OTOG: variants seen among roughly 807,000 people sequenced by gnomAD.
The protein encoded by OTOG is otogelin.
OTOG carries 296 observed loss-of-function variants against 313.8 expected under a neutral mutation model. The observed-to-expected ratio is 0.94, with a 90% CI of 0.86 to 1.04. The LOEUF is 1.04. Ranked by LOEUF, OTOG falls within the 50% of genes least tolerant of loss-of-function variation. The pLI, the probability that OTOG is intolerant of heterozygous loss-of-function variation, is 0.00. For missense variants in OTOG, 3,948 were observed against 3,840.1 expected (o/e 1.03, Z -0.74); for synonymous variants, 1,533 against 1,554.9 (o/e 0.99, Z 0.33).
intron 23 of OTOG, among the ~76,000 whole-genome samples, chr11:17,584,845 T>C (rs76732963): frequency 0.012 from 1,832 of 152,348 alleles, 42 homozygotes; most frequent in African/African-American, 0.042. Flanking sequence ...ATTTTATTTA[T>C]TGGAGTATCA....
chr11:17,586,915 A>G (rs1238077492), intron 24 of OTOG, among the ~76,000 whole-genome samples: 1 of 152,244 alleles, frequency 6.6e-6, no homozygotes, highest in Non-Finnish European at 1.5e-5. Flanking sequence ...GTGAACATGC[A>G]TGTACATGGA....
chr11:17,612,581 G>A (rs1223481855), intron 37 of OTOG, 39 bp from the exon 38 acceptor site: 1 of 1,535,078 alleles, frequency 6.5e-7, no homozygotes, highest in Non-Finnish European at 8.8e-7. Context: ...GGTCTTGGAG[G>A]CATCCACCTA....
In OTOG at chr11:17,593,970, G is replaced by T. The variant is rs1853023682; in HGVS notation, c.3289-77G>T. On this transcript the variant is annotated intron_variant, in intron 27 of 55. Transcript: ENST00000399397. ...CTTCTAGGTCTATGATAGACTCCTGGGCTCATGGTGACCCCTCTGCCCGTG... is the reference window on the plus strand; with the variant it reads ...CTTCTAGGTCTATGATAGACTCCTGTGCTCATGGTGACCCCTCTGCCCGTG... 3 of 1,530,588 alleles carry T rather than the reference G, an allele frequency of 2.0e-6. No homozygotes were observed. In the East Asian group the frequency reaches 7.4e-5, roughly 38 times the overall value. 94.8% of individuals were successfully genotyped at this position (1,530,588 alleles called of 1,614,324 possible).
chr11:17,603,093 G>A (rs1424865342), intron 32 of OTOG, among the ~76,000 whole-genome samples: 4 of 152,170 alleles, frequency 2.6e-5, no homozygotes, highest in African/African-American at 7.2e-5. Flanking sequence ...TGGAGGGGAA[G>A]GGACGTCCTG....
chr11:17,613,796 A>T, intron 39 of OTOG, 95 bp downstream of exon 39: 10 of 840,370 alleles, frequency 1.2e-5, no homozygotes, highest in Non-Finnish European at 1.7e-5. Context: ...CTGAATCATG[A>T]TTCAGGGCAG....
At chr11:17,571,865 T>C (rs1852411691) in intron 17 of OTOG, among the ~76,000 whole-genome samples, 1 of 152,138 alleles carries the variant, frequency 6.6e-6, no homozygotes. Flanking sequence ...ATGTCTGGCA[T>C]ATATTTGTGC....
intron 39 of OTOG, among the ~76,000 whole-genome samples, chr11:17,618,343 C>T (rs774707813): frequency 6.6e-6 from 1 of 152,112 alleles, no homozygotes; most frequent in Non-Finnish European, 1.5e-5. Flanking sequence ...TTTTATTTGA[C>T]CCATGAATTA....
intron 12 of OTOG, among the ~76,000 whole-genome samples, chr11:17,560,278 C>T (rs1045545065): frequency 2.0e-5 from 3 of 152,174 alleles, no homozygotes; most frequent in East Asian, 1.9e-4. Context: ...AGAGATATCA[C>T]GCTCATATGA....
At chr11:17,566,494 T>G (rs2134017618) in intron 15 of OTOG, among the ~76,000 whole-genome samples, 1 of 152,286 alleles carries the variant, frequency 6.6e-6, no homozygotes, top group Non-Finnish European at 1.5e-5. Context: ...GTATAAATAT[T>G]TCTCTATAAA....
At chr11:17,572,272 A>G (rs934713344) in intron 18 of OTOG, 68 bp downstream of exon 18, 30 of 1,529,140 alleles carry the variant, frequency 2.0e-5, no homozygotes, top group Middle Eastern at 3.5e-4. Flanking sequence ...GAGAGAGATG[A>G]AAAGGGAACT....
rs1048323052 is a variant in OTOG, at chr11:17,570,310, C to T, written c.1875C>T (p.Tyr625=). 1 of 1,550,742 alleles carries T rather than the reference C, an allele frequency of 6.4e-7. No homozygotes were observed. Among genetic ancestry groups the T allele is most frequent in the South Asian group, 1.2e-5 (1 of 84,058 alleles). Residue 625 remains tyrosine, a synonymous_variant, in exon 17 of 56, where the codon TAC becomes TAT. Coordinates refer to ENST00000399397, the MANE Select transcript of OTOG (RefSeq NM_001292063.2). ...ACGACCGTGAAGGGCTCCGACTGTA[C>T]CTGCAAGTGGACCAGCGATGGGTGG... ...VLYDREGLRL[Y]LQVDQRWVED... is the part of the protein sequence containing the mutation.
At chr11:17,638,870 G>T in intron 48 of OTOG, 1 of 1,119,714 alleles carries the variant, frequency 8.9e-7, no homozygotes, top group East Asian at 5.0e-5. Context: ...GGCCAAGGCG[G>T]GTGGATCATG....
Position 17,548,132 on chromosome 11 carries a change from C to T in OTOG, c.156-20C>T. The T allele has an allele frequency of 5.2e-6, 8 of 1,544,580 alleles. No homozygotes were observed. The highest frequency in any genetic ancestry group is 7.0e-6 in the Non-Finnish European group (8 of 1,143,468). On this transcript the variant is annotated intron_variant, in intron 2 of 55. Coordinates refer to ENST00000399397, the MANE Select transcript of OTOG (RefSeq NM_001292063.2). ...ACCCATCCTAGCCCCCCATCCATGCCAGACTCGTGTTTCCTCCAGCAGCAG... is the reference window on the plus strand; with the variant it reads ...ACCCATCCTAGCCCCCCATCCATGCTAGACTCGTGTTTCCTCCAGCAGCAG...
At chr11:17,582,254 A>G (rs1287521150) in intron 23 of OTOG, among the ~76,000 whole-genome samples, 1 of 152,142 alleles carries the variant, frequency 6.6e-6, no homozygotes, top group Non-Finnish European at 1.5e-5. Context: ...TTGTCACTAT[A>G]TAGTAGTTAT....
At position 17,574,824 on chromosome 11, in the gene OTOG, G is replaced by A. The variant is rs141010212; in HGVS notation, c.2398G>A (p.Asp800Asn). ...SPEACGVDGG[D>N]DLSRDECVEG... ...TGAGGCCTGTGGGGTTGATGGTGGC[G>A]ATGACCTGAGCAGAGACGAGTGTGT... The change falls in exon 20 of 56, where the codon GAT becomes AAT. Residue 800 changes from aspartate to asparagine, a missense_variant. Asp to Asn is a conservative substitution (Grantham distance 23). Transcript: ENST00000399397. 741 of 1,550,332 alleles carry A rather than the reference G, an allele frequency of 4.8e-4. 4 individuals are homozygous for A. The African/African-American group carries it at 9.2e-3, about 19-fold the overall frequency.
At chr11:17,559,478 G>A (rs1414830466) in intron 11 of OTOG, 56 bp from the exon 12 acceptor site, 2 of 1,548,446 alleles carry the variant, frequency 1.3e-6, no homozygotes, top group Non-Finnish European at 8.7e-7. Context: ...GTAGGAGCTG[G>A]GTCCTGGCAG....
intron 15 of OTOG, among the ~76,000 whole-genome samples, chr11:17,568,115 GC>G (rs58307182): frequency 0.45 from 68,378 of 151,610 alleles, 16,779 homozygotes; most frequent in African/African-American, 0.66. Flanking sequence ...CACCGTGTCA[GC>G]CAGGATGGTC....
At chr11:17,548,836 G>A (rs140011445) in intron 3 of OTOG, among the ~76,000 whole-genome samples, 78 of 152,108 alleles carry the variant, frequency 5.1e-4, no homozygotes, top group African/African-American at 1.7e-3. Context: ...TGGTGCCTCC[G>A]TTACCTGAGT....
At position 17,612,288 on chromosome 11, in the gene OTOG, C is replaced by G; in HGVS notation, c.6250C>G (p.Arg2084Gly). The G allele has an allele frequency of 6.5e-7, 1 of 1,542,100 alleles. No individual in the cohort carries two copies. The highest frequency in any genetic ancestry group is 8.7e-7 in the Non-Finnish European group (1 of 1,146,660). ...CTGTGGGATCCTGGGCCTCGCCGTG[C>G]GGGTGGGTGGGGACCGCTGCTGCCC... ...PRCGILGLAV[R>G]VGGDRCCPLW... The change falls in exon 37 of 56, where the codon CGG becomes GGG. Residue 2084 changes from arginine to glycine, a missense_variant. By Grantham distance (125) the Arg-to-Gly change is moderately radical. Coordinates refer to ENST00000399397, the MANE Select transcript of OTOG (RefSeq NM_001292063.2).
Sources: allele counts gnomAD v4.1 joint callset (sites outside exome capture counted in the v4.1 genomes callset), GRCh38; gene constraint gnomAD v4.1.1; transcripts MANE v1.5; gene names NCBI Gene and HGNC (gene_info 2026-07-23, HGNC 2026-07-21).